Variants in CERT1 observed in about 807,000 individuals in gnomAD.
The protein encoded by CERT1 is ceramide transporter 1, also known as ceramide transfer protein.
Under a neutral mutation model 87.9 loss-of-function variants are expected in CERT1, and 31 were observed. The ratio of observed to expected loss-of-function variants is 0.35; its 90% confidence interval spans 0.27 to 0.48. CERT1 has a LOEUF of 0.48. CERT1 is among the 20% of genes least tolerant of loss of function. The pLI is 0.99. For missense variants in CERT1, 487 were observed against 758.0 expected (o/e 0.64, Z 4.20); for synonymous variants, 289 against 250.9 (o/e 1.15, Z -1.44).
At position 75,455,289 on chromosome 5, in the gene CERT1, C is replaced by A. The variant is rs148394424; in HGVS notation, c.348+3776G>T. 3.5e-3 allele frequency among the ~76,000 whole-genome samples: 539 copies of A among 152,304 alleles called. 1 individual carries two copies. Among genetic ancestry groups the A allele is most frequent in the African/African-American group, 0.013 (526 of 41,564 alleles). ...TCTTGCCAACTGACTACCACTTCTT[C>A]AAGCATCTTGACAACTTTTTGCAGG... On this transcript the variant is annotated intron_variant, in intron 3 of 16. Coordinates refer to ENST00000643780, the MANE Select transcript of CERT1 (RefSeq NM_001379029.1).
chr5:75,388,627 T>TATATATATATATATCTCATGCATGC (rs1761908250), intron 12 of CERT1, among the ~76,000 whole-genome samples: 1 of 124,820 alleles, frequency 8.0e-6, no homozygotes. Flanking sequence ...TATATATATA[T>TATATATATATATATCTCATGCATGC]ATATATATAT....
At chr5:75,374,201 A>G (rs1761194967), downstream of CERT1, 3 of 274,400 alleles carry the variant, frequency 1.1e-5, no homozygotes, top group African/African-American at 5.0e-5. Flanking sequence ...ACTGAAGGAA[A>G]AAAAAAAAAA....
chr5:75,499,819 A>T (rs1310865512), intron 2 of CERT1, among the ~76,000 whole-genome samples: 1 of 152,244 alleles, frequency 6.6e-6, no homozygotes, highest in Non-Finnish European at 1.5e-5. Flanking sequence ...GATGGCAATC[A>T]GACTGGGGCT....
At chr5:75,394,034 A>G (rs1762145823) in intron 11 of CERT1, among the ~76,000 whole-genome samples, 1 of 152,184 alleles carries the variant, frequency 6.6e-6, no homozygotes, top group Non-Finnish European at 1.5e-5. Context: ...AGATAGAATA[A>G]TTATTAATAA....
At chr5:75,369,887 G>A (rs1321922127) in intron 17 of CERT1, 4 of 152,206 alleles carry the variant, frequency 2.6e-5, no homozygotes, top group Non-Finnish European at 1.5e-5. Flanking sequence ...GATGTGGAAC[G>A]TTCACAGAAA....
chr5:75,415,303 TA>T (rs1203441879), intron 7 of CERT1, among the ~76,000 whole-genome samples: 1 of 152,188 alleles, frequency 6.6e-6, no homozygotes, highest in African/African-American at 2.4e-5. Context: ...AAGAAGACTA[TA>T]AAACACAGTA....
In CERT1 at chr5:75,378,681, C is replaced by T. The variant is rs1429849099; in HGVS notation, c.*665G>A. ...AATTTTGTATAATAGTAAGTATAAACATTTTAACATTCAAAAATATGTCAG... is the reference window on the plus strand; with the variant it reads ...AATTTTGTATAATAGTAAGTATAAATATTTTAACATTCAAAAATATGTCAG... On this transcript the variant is annotated 3_prime_UTR_variant, in exon 17 of 17. Transcript: ENST00000643780. 6.6e-6 allele frequency: 1 copy of T among 152,070 alleles called. No homozygotes were observed. Among genetic ancestry groups the T allele is most frequent in the Admixed American group, 6.5e-5 (1 of 15,272 alleles). The allele number at this position is 152,070 out of a possible 1,614,324, so 9.4% of individuals were successfully genotyped here. A position where few individuals can be genotyped will look rare whatever the true frequency, so the allele number is the denominator to read the frequency against.
chr5:75,441,600 C>A (rs1217356925), intron 3 of CERT1, among the ~76,000 whole-genome samples: 1 of 152,140 alleles, frequency 6.6e-6, no homozygotes. Flanking sequence ...CTATCCCTGG[C>A]AATCACCATT....
chr5:75,403,484 A>C (rs1166460971), intron 8 of CERT1, among the ~76,000 whole-genome samples: 2 of 152,252 alleles, frequency 1.3e-5, no homozygotes, highest in East Asian at 3.8e-4. Context: ...TTTTACTGGA[A>C]AACAGTGATG....
intron 3 of CERT1, among the ~76,000 whole-genome samples, chr5:75,454,185 G>A (rs1184284047): frequency 6.6e-6 from 1 of 152,170 alleles, no homozygotes; most frequent in African/African-American, 2.4e-5. Context: ...TTGTTAAGGT[G>A]TGGGGGTGCT....
At chr5:75,446,828 A>T (rs1764559255) in intron 3 of CERT1, among the ~76,000 whole-genome samples, 1 of 152,178 alleles carries the variant, frequency 6.6e-6, no homozygotes, top group South Asian at 2.1e-4. Context: ...TGAATGTCCT[A>T]GTCTTTAATG....
intron 11 of CERT1, among the ~76,000 whole-genome samples, chr5:75,395,972 T>C (rs1433656758): frequency 6.6e-6 from 1 of 152,246 alleles, no homozygotes; most frequent in Non-Finnish European, 1.5e-5. Flanking sequence ...ACTTCATTCC[T>C]AATATCTGCC....
chr5:75,375,847 T>C (rs1411490044), downstream of CERT1: 2 of 149,910 alleles, frequency 1.3e-5, no homozygotes, highest in African/African-American at 4.9e-5. Context: ...CCATAATTAT[T>C]GTAAAAAAAA....
chr5:75,417,674 T>C (rs1332336182), intron 6 of CERT1, among the ~76,000 whole-genome samples: 2 of 152,174 alleles, frequency 1.3e-5, no homozygotes, highest in African/African-American at 4.8e-5. Context: ...CGATTAGAGA[T>C]ATGACAGTAA....
At chr5:75,467,926 G>T (rs1362695515) in intron 2 of CERT1, among the ~76,000 whole-genome samples, 1 of 152,150 alleles carries the variant, frequency 6.6e-6, no homozygotes. Context: ...ATTTTTACAA[G>T]ATTTTAAGAA....
At chr5:75,398,971 T>C (rs572596936) in intron 11 of CERT1, among the ~76,000 whole-genome samples, 2 of 152,356 alleles carry the variant, frequency 1.3e-5, no homozygotes, top group Non-Finnish European at 2.9e-5. Context: ...ACATATCATA[T>C]AGACCACGTC....
chr5:75,500,985 G>GT (rs143887595), intron 2 of CERT1, among the ~76,000 whole-genome samples: 7,182 of 147,334 alleles, frequency 0.049, 263 homozygotes, highest in East Asian at 0.18. Flanking sequence ...TCCATTGTCT[G>GT]TTTTTTTTGT....
At chr5:75,392,828 G>A (rs1762080301) in intron 11 of CERT1, among the ~76,000 whole-genome samples, 1 of 151,456 alleles carries the variant, frequency 6.6e-6, no homozygotes. Flanking sequence ...AAATTGGCCG[G>A]GCGTGGTGGT....
intron 2 of CERT1, among the ~76,000 whole-genome samples, chr5:75,463,394 C>CT (rs777050287): frequency 9.2e-5 from 14 of 152,016 alleles, no homozygotes; most frequent in Non-Finnish European, 1.9e-4. Context: ...GTATCACCAC[C>CT]ACTAAGAATG....
Sources: gnomAD v4.1 joint callset for allele counts (sites outside exome capture counted in the v4.1 genomes callset) on GRCh38, gnomAD v4.1.1 for gene constraint, MANE v1.5 for transcripts, NCBI Gene and HGNC (gene_info 2026-07-23, HGNC 2026-07-21) for gene names.